Variants in TRPM3 observed in about 807,000 individuals in gnomAD.
TRPM3 encodes long transient receptor potential channel 3.
In TRPM3, 77 loss-of-function variants were observed where a neutral mutation model predicts 181.2. The ratio of observed to expected loss-of-function variants is 0.42; its 90% CI spans 0.35 to 0.51. The LOEUF (loss-of-function observed/expected upper bound fraction) is 0.51, where lower values mean the gene tolerates loss of function less well. Among genes scored for constraint, TRPM3 ranks in the 20% least tolerant of loss-of-function variants. TRPM3 has a pLI of 0.01. For synonymous variants in TRPM3, 745 were observed against 796.4 expected, an observed-to-expected ratio of 0.94 and a Z score of 1.09; for missense variants, 1,759 against 2,196.7, an observed-to-expected ratio of 0.80 and a Z score of 3.98.
At chr9:70,742,126 T>C (rs1208517014) in intron 8 of TRPM3, among the ~76,000 whole-genome samples, 1 of 152,130 alleles carries the variant, frequency 6.6e-6, no homozygotes, top group Non-Finnish European at 1.5e-5. Flanking sequence ...TTTAATGACA[T>C]AGGAACATAA....
chr9:71,185,736 G>C (rs1295147687), intron 1 of TRPM3, among the ~76,000 whole-genome samples: 2 of 152,022 alleles, frequency 1.3e-5, no homozygotes, highest in African/African-American at 4.8e-5. Context: ...CACAGATCAG[G>C]AAACTGAAGC....
rs1475214349 is a variant in TRPM3 at position 70,999,083 on chromosome 9, T to C, written c.177+122095A>G. ...TCAATTTTACCTCAAGATGAGTTTC[T>C]CATTTTTCTTCAGTTCCAGTTGCCT... On this transcript the variant is annotated intron_variant, in intron 1 of 25. Coordinates refer to ENST00000677713, the MANE Select transcript of TRPM3 (RefSeq NM_001366145.2). Among the ~76,000 whole-genome samples the C allele has an allele frequency of 3.9e-5, 6 of 152,314 alleles. No homozygotes were observed. In the South Asian group the frequency reaches 8.3e-4, roughly 21 times the overall value.
chr9:70,869,768 C>T (rs901000683), intron 1 of TRPM3, among the ~76,000 whole-genome samples: 1 of 151,948 alleles, frequency 6.6e-6, no homozygotes, highest in African/African-American at 2.4e-5. Context: ...TGAGCTGTGA[C>T]CACGGTGGCC....
At chr9:71,378,385 T>A (rs1295846144) in intron 1 of TRPM3, among the ~76,000 whole-genome samples, 2 of 152,086 alleles carry the variant, frequency 1.3e-5, no homozygotes, top group Non-Finnish European at 2.9e-5. Flanking sequence ...GTACAACCAC[T>A]TTAGAGAGCT....
chr9:70,820,167 C>T (rs1429180600), intron 6 of TRPM3, among the ~76,000 whole-genome samples: 2 of 152,114 alleles, frequency 1.3e-5, no homozygotes, highest in African/African-American at 4.8e-5. Flanking sequence ...TTTACTGAGG[C>T]AGGAGGGACA....
chr9:71,134,589 A>G (rs2074649226), intron 1 of TRPM3, among the ~76,000 whole-genome samples: 1 of 151,818 alleles, frequency 6.6e-6, no homozygotes, highest in African/African-American at 2.4e-5. Context: ...TCTTTCTCAC[A>G]AACATTATCT....
intron 5 of TRPM3, among the ~76,000 whole-genome samples, chr9:70,841,309 T>C (rs1427125401): frequency 6.6e-6 from 1 of 151,960 alleles, no homozygotes; most frequent in Non-Finnish European, 1.5e-5. Context: ...TTGTACGTAA[T>C]ATGAAACAGC....
chr9:70,690,236 G>T (rs1771620421), intron 8 of TRPM3, among the ~76,000 whole-genome samples: 1 of 152,234 alleles, frequency 6.6e-6, no homozygotes, highest in East Asian at 1.9e-4. Flanking sequence ...TTGACAAATG[G>T]TTTGTAACAT....
At chr9:70,941,232 C>T (rs541881870) in intron 1 of TRPM3, among the ~76,000 whole-genome samples, 2 of 152,330 alleles carry the variant, frequency 1.3e-5, no homozygotes, top group Admixed American at 6.5e-5. Flanking sequence ...ACCAGCATGG[C>T]TAGCATAAAG....
intron 1 of TRPM3, among the ~76,000 whole-genome samples, chr9:71,127,623 G>T (rs1275868405): frequency 1.3e-5 from 2 of 152,160 alleles, no homozygotes; most frequent in Non-Finnish European, 1.5e-5. Context: ...TTTTGTGAAG[G>T]TTAAAGCAAT....
At chr9:71,159,565 C>T (rs1241403633) in intron 1 of TRPM3, among the ~76,000 whole-genome samples, 2 of 151,958 alleles carry the variant, frequency 1.3e-5, no homozygotes, top group Non-Finnish European at 2.9e-5. Flanking sequence ...ATTTTATCTC[C>T]CCATCTTTTG....
At chr9:71,420,801 AAGAG>A (rs1355287429) in intron 1 of TRPM3, among the ~76,000 whole-genome samples, 1 of 2,792 alleles carries the variant, frequency 3.6e-4, no homozygotes, top group Non-Finnish European at 7.7e-4. Context: ...GAGAGAAAGA[AAGAG>A]AGAAAGAAAG....
chr9:70,581,949 CTTCTCCT>C (rs2055862907), intron 22 of TRPM3, among the ~76,000 whole-genome samples: 1 of 100,238 alleles, frequency 1.0e-5, no homozygotes, highest in Non-Finnish European at 2.2e-5. Context: ...TTTTCCTTGT[CTTCTCCT>C]TCCTTTCTTC....
chr9:71,154,389 C>T (rs373600887), intron 1 of TRPM3, among the ~76,000 whole-genome samples: 154 of 152,180 alleles, frequency 1.0e-3, no homozygotes, highest in African/African-American at 3.6e-3. Flanking sequence ...TTTTTCTGGG[C>T]TTCAGTTTCC....
chr9:70,581,486 G>T (rs1226753335), intron 22 of TRPM3, among the ~76,000 whole-genome samples: 1 of 152,236 alleles, frequency 6.6e-6, no homozygotes, highest in African/African-American at 2.4e-5. Context: ...GAGGTTGCAG[G>T]CTTATTTGGA....
intron 1 of TRPM3, among the ~76,000 whole-genome samples, chr9:71,130,416 C>T (rs2074299166): frequency 6.6e-6 from 1 of 151,990 alleles, no homozygotes; most frequent in South Asian, 2.1e-4. Context: ...AAACTTTATG[C>T]CTGTTATAGT....
At chr9:71,445,462 G>A (rs2094191344) in intron 1 of TRPM3, among the ~76,000 whole-genome samples, 1 of 152,072 alleles carries the variant, frequency 6.6e-6, no homozygotes, top group Non-Finnish European at 1.5e-5. Context: ...CCCATATTTA[G>A]ATGAAAAAAC....
chr9:70,592,966 G>C (rs1367545471), intron 21 of TRPM3, among the ~76,000 whole-genome samples: 6 of 152,058 alleles, frequency 3.9e-5, no homozygotes, highest in African/African-American at 1.4e-4. Flanking sequence ...TCCTGAACTT[G>C]TGAGCCACCC....
At chr9:71,041,030 G>A (rs2058752580) in intron 1 of TRPM3, among the ~76,000 whole-genome samples, 1 of 152,238 alleles carries the variant, frequency 6.6e-6, no homozygotes, top group South Asian at 2.1e-4. Context: ...TTGGGATGAT[G>A]GCAAAATCTG....
Sources: gnomAD v4.1 joint callset for allele counts (sites outside exome capture counted in the v4.1 genomes callset) on GRCh38, gnomAD v4.1.1 for gene constraint, MANE v1.5 for transcripts, NCBI Gene and HGNC (gene_info 2026-07-23, HGNC 2026-07-21) for gene names.